Variants in RADIL observed in about 807,000 individuals in gnomAD.
The protein encoded by RADIL is ras-associating and dilute domain-containing protein.
Under a neutral mutation model 97.6 loss-of-function variants are expected in RADIL, and 99 were observed. The observed-to-expected ratio is 1.01, with a 90% CI of 0.86 to 1.20. RADIL has a LOEUF of 1.20. Ranked by LOEUF, RADIL falls within the 50% of genes most tolerant of loss-of-function variation. The probability of loss-of-function intolerance (pLI) is 0.00; values close to 1 mark genes in which losing one functional copy is unlikely to be tolerated. For missense variants in RADIL, 1,765 were observed against 1,498.9 expected (o/e 1.18, Z -2.93); for synonymous variants, 803 against 691.8 (o/e 1.16, Z -2.52).
chr7:4,804,730 T>G (rs1476371037), intron 10 of RADIL, among the ~76,000 whole-genome samples: 2 of 151,506 alleles, frequency 1.3e-5, no homozygotes, highest in Non-Finnish European at 2.9e-5. Flanking sequence ...GAGGTTCCAG[T>G]GAGCCAAGAT....
Position 4,849,506 on chromosome 7 carries a change from A to C in RADIL, c.536-12901T>G, listed in dbSNP as rs1783657707. The stretch of plus-strand genomic sequence containing the variant: ...TCGGCCAGGCTGCAGCTGTGAGGCT[A>C]CAGCTTGGTTTTTGTTGCCTGGGGC... On this transcript the variant is annotated intron_variant, in intron 2 of 14. Coordinates refer to ENST00000399583, the MANE Select transcript of RADIL (RefSeq NM_018059.5). The surrounding 1 kb of genome is among the most constrained non-coding windows in gnomAD (Gnocchi z 5.4). Among the ~76,000 whole-genome samples, 1 of 152,182 alleles carries C rather than the reference A, an allele frequency of 6.6e-6. No individual in the cohort carries two copies. Among genetic ancestry groups the C allele is most frequent in the Non-Finnish European group, 1.5e-5 (1 of 68,020 alleles).
Position 4,879,950 on chromosome 7 carries a change from C to T in RADIL, c.-64-1747G>A, listed in dbSNP as rs1028666241. Among the ~76,000 whole-genome samples the T allele has an allele frequency of 2.6e-5, 4 of 152,166 alleles. No homozygotes were observed. The highest frequency in any genetic ancestry group is 7.2e-5 in the African/African-American group (3 of 41,438). On this transcript the variant is annotated intron_variant, in intron 1 of 14. Transcript: ENST00000399583. This position sits in a 1 kb window ranked among gnomAD's most constrained non-coding sequence, Gnocchi z 4.1. ...GGTCAGCCAGCAGCTGTGCTTTCTC[C>T]GAGGACCTTGAACTCTTCAGAAATA... is the stretch of plus-strand genomic sequence containing the variant.
intron 2 of RADIL, among the ~76,000 whole-genome samples, chr7:4,850,654 CAG>C (rs1783686955): frequency 6.6e-6 from 1 of 152,094 alleles, no homozygotes; most frequent in Non-Finnish European, 1.5e-5. Flanking sequence ...GGCTGTGAGC[CAG>C]AGAGAGACAA....
chr7:4,822,632 G>C lies in RADIL; in HGVS notation c.1455-78C>G. The C allele has an allele frequency of 6.0e-6, 9 of 1,490,818 alleles. No homozygotes were observed. Among genetic ancestry groups the C allele is most frequent in the Non-Finnish European group, 8.1e-6 (9 of 1,104,548 alleles). 92.3% of individuals were successfully genotyped at this position (1,490,818 alleles called of 1,614,324 possible). A position where few individuals can be genotyped will look rare whatever the true frequency, so the allele number is the denominator to read the frequency against. On this transcript the variant is annotated intron_variant, in intron 5 of 14. Transcript: ENST00000399583. The surrounding 1 kb of genome is among the most constrained non-coding windows in gnomAD (Gnocchi z 5.3). ...TGAATCTACCACTCTTTCTACATAA[G>C]GATGCGCGTTTTCATGGGACGCTGA...
rs1783456857 is a variant in RADIL, at chr7:4,842,208, T to C, written c.536-5603A>G. Among the ~76,000 whole-genome samples the C allele has an allele frequency of 6.6e-6, 1 of 151,934 alleles. No individual in the cohort carries two copies. Among genetic ancestry groups the C allele is most frequent in the Admixed American group, 6.6e-5 (1 of 15,244 alleles). On this transcript the variant is annotated intron_variant, in intron 2 of 14. Transcript: ENST00000399583. This position sits in a 1 kb window ranked among gnomAD's most constrained non-coding sequence, Gnocchi z 4.5. ...TAGAAAGTGCAGGGCGCCGGGGCAATGGGGAAGATGGGGATGGGACGGTCG... is the reference window on the plus strand; with the variant it reads ...TAGAAAGTGCAGGGCGCCGGGGCAACGGGGAAGATGGGGATGGGACGGTCG...
At chr7:4,862,067 G>C in intron 2 of RADIL, 1 of 378,270 alleles carries the variant, frequency 2.6e-6, no homozygotes. Flanking sequence ...CCCGCCGCCA[G>C]CGCGAGGGCT....
chr7:4,802,025 A>G, intron 11 of RADIL, 30 bp from the exon 12 acceptor site: 1 of 1,457,362 alleles, frequency 6.9e-7, no homozygotes, highest in South Asian at 1.5e-5. Flanking sequence ...CAGCTCAGGT[A>G]GAGGAGTGGC....
chr7:4,871,729 T>C (rs1010802166), intron 2 of RADIL, among the ~76,000 whole-genome samples: 7 of 152,190 alleles, frequency 4.6e-5, no homozygotes, highest in East Asian at 1.9e-4. Flanking sequence ...TGCAGACGCA[T>C]AGGAGCTAAG....
At chr7:4,831,481 C>A (rs73314495) in intron 5 of RADIL, among the ~76,000 whole-genome samples, 1 of 149,418 alleles carries the variant, frequency 6.7e-6, no homozygotes, top group Non-Finnish European at 1.5e-5. Flanking sequence ...CAAGCCCGCA[C>A]GACATAAGTT....
chr7:4,829,060 C>T (rs1299082355), intron 5 of RADIL, among the ~76,000 whole-genome samples: 2 of 152,206 alleles, frequency 1.3e-5, no homozygotes, highest in East Asian at 1.9e-4. Flanking sequence ...GAACAGAGCC[C>T]CAGAGGGAGG....
Position 4,816,368 on chromosome 7 carries a change from A to G in RADIL, c.1826T>C (p.Leu609Pro). The G allele has an allele frequency of 6.2e-7, 1 of 1,610,972 alleles. No individual in the cohort carries two copies. ...CTGGTACACAGACACCACGCGGCGC[A>G]GCTCCTCGGGCAGTTCGGGGGCCGA... ...WSSAPELPEELRRVVSVYQAA... is the reference protein window; with the variant it reads ...WSSAPELPEEPRRVVSVYQAA... The change falls in exon 8 of 15, where the codon CTG becomes CCG. Residue 609 changes from leucine (L) to proline (P), a missense_variant. By Grantham distance (98) the Leu-to-Pro change is moderately conservative (BLOSUM62 -3). Transcript: ENST00000399583.
chr7:4,871,141 G>T (rs975851854), intron 2 of RADIL, among the ~76,000 whole-genome samples: 1 of 152,216 alleles, frequency 6.6e-6, no homozygotes, highest in Non-Finnish European at 1.5e-5. Context: ...CACATACAAT[G>T]AAGGTTTCCC....
chr7:4,881,516 C>T (rs1355224630), intron 1 of RADIL, among the ~76,000 whole-genome samples: 1 of 151,502 alleles, frequency 6.6e-6, no homozygotes, highest in East Asian at 1.9e-4. Flanking sequence ...CACTTGAGGT[C>T]AGGAGTTCAA....
chr7:4,832,502 G>A (rs1783173529), intron 4 of RADIL, among the ~76,000 whole-genome samples: 1 of 152,144 alleles, frequency 6.6e-6, no homozygotes, highest in African/African-American at 2.4e-5. Context: ...ACTTTGGGAG[G>A]CTGAGGCAGG....
In RADIL at chr7:4,814,656, G is replaced by A. The variant is rs1782631970; in HGVS notation, c.2139+622C>T. Among the ~76,000 whole-genome samples, 2 of 152,182 alleles carry A rather than the reference G, an allele frequency of 1.3e-5. No individual in the cohort carries two copies. The highest frequency in any genetic ancestry group is 6.5e-5 in the Admixed American group (1 of 15,278). ...AAATGCCCACACGCCTGGCGGTCAC[G>A]GCCACACAGTGCACTCTCACAGCTC... On this transcript the variant is annotated intron_variant, in intron 9 of 14. Coordinates refer to ENST00000399583, the MANE Select transcript of RADIL (RefSeq NM_018059.5). This position sits in a 1 kb window ranked among gnomAD's most constrained non-coding sequence, Gnocchi z 4.5.
intron 2 of RADIL, among the ~76,000 whole-genome samples, chr7:4,871,593 C>T (rs1293353250): frequency 6.6e-6 from 1 of 152,214 alleles, no homozygotes; most frequent in Non-Finnish European, 1.5e-5. Flanking sequence ...CCCACCACGC[C>T]GCCAGGTGGC....
Position 4,808,516 on chromosome 7 carries a change from T to A in RADIL, c.2140-2800A>T, listed in dbSNP as rs1464790099. ...CAAGCTAGAAATGGTTTTCACGTTT[T>A]TAAAGGGTTTGAGAAAAACAAAACA... is the stretch of plus-strand genomic sequence containing the variant. On this transcript the variant is annotated intron_variant, in intron 9 of 14. Coordinates refer to ENST00000399583, the MANE Select transcript of RADIL (RefSeq NM_018059.5). 6 of 939,906 alleles carry A rather than the reference T, an allele frequency of 6.4e-6. No homozygotes were observed. In the African/African-American group the frequency reaches 7.1e-5, roughly 11 times the overall value. 58.2% of individuals were successfully genotyped at this position (939,906 alleles called of 1,614,324 possible).
chr7:4,853,770 G>A (rs1351316420), intron 2 of RADIL, among the ~76,000 whole-genome samples: 1 of 150,732 alleles, frequency 6.6e-6, no homozygotes, highest in African/African-American at 2.5e-5. Context: ...AATACGCTGG[G>A]TGTACATGGA....
chr7:4,827,523 T>C (rs865829025), intron 5 of RADIL, among the ~76,000 whole-genome samples: 8 of 151,658 alleles, frequency 5.3e-5, no homozygotes, highest in Non-Finnish European at 7.4e-5. Context: ...TAGCCGGGCG[T>C]GGTTGCAGGC....
Sources: allele counts gnomAD v4.1 joint callset (sites outside exome capture counted in the v4.1 genomes callset), GRCh38; gene constraint gnomAD v4.1.1; non-coding constraint Gnocchi (gnomAD v3.1); transcripts MANE v1.5; gene names NCBI Gene and HGNC (gene_info 2026-07-23, HGNC 2026-07-21).